Variants in VWC2 observed in about 807,000 individuals in gnomAD.
VWC2 encodes the protein von Willebrand factor C domain containing 2, also known as brorin.
VWC2 carries 14 observed loss-of-function variants against 29.8 expected under a neutral mutation model. That is an observed-to-expected ratio of 0.47 (90% CI 0.31 to 0.74). The LOEUF is 0.74. Among genes scored for constraint, VWC2 ranks in the 30% least tolerant of loss-of-function variants. The pLI, the probability that VWC2 is intolerant of heterozygous loss-of-function variation, is 0.05. For missense variants in VWC2, 457 were observed against 459.8 expected (o/e 0.99, Z 0.05); for synonymous variants, 213 against 199.0 (o/e 1.07, Z -0.59).
chr7:49,846,088 T>G (rs1402618840), intron 3 of VWC2, among the ~76,000 whole-genome samples: 1 of 152,236 alleles, frequency 6.6e-6, no homozygotes, highest in Non-Finnish European at 1.5e-5. Flanking sequence ...TTGCTTTTTT[T>G]GGATGATATC....
intron 3 of VWC2, among the ~76,000 whole-genome samples, chr7:49,857,009 C>CAAAAGAAAAAAAAA (rs1790450591): frequency 1.9e-5 from 1 of 52,764 alleles, no homozygotes; most frequent in Non-Finnish European, 3.1e-5. Flanking sequence ...GATACTGTCT[C>CAAAAGAAAAAAAAA]AAAAAAAAAA....
chr7:49,880,919 G>T (rs1791634832), intron 3 of VWC2, among the ~76,000 whole-genome samples: 1 of 152,170 alleles, frequency 6.6e-6, no homozygotes, highest in Non-Finnish European at 1.5e-5. Context: ...GGCACGTTCA[G>T]GGTGGCATGA....
intron 3 of VWC2, among the ~76,000 whole-genome samples, chr7:49,832,198 G>A (rs1453383704): frequency 1.3e-5 from 2 of 152,182 alleles, no homozygotes; most frequent in African/African-American, 2.4e-5. Flanking sequence ...AGAGGGGTGA[G>A]TCTTTGCTGT....
intron 3 of VWC2, among the ~76,000 whole-genome samples, chr7:49,830,055 CT>C (rs1314217236): frequency 5.3e-5 from 8 of 152,298 alleles, no homozygotes; most frequent in African/African-American, 1.9e-4. Context: ...TGTCTTCCAA[CT>C]ACTCTATATT....
chr7:49,857,009 CAAAAAAAAAAAAAAAAAAA>C (rs59910243), intron 3 of VWC2, among the ~76,000 whole-genome samples: 3 of 52,764 alleles, frequency 5.7e-5, no homozygotes, highest in Non-Finnish European at 9.4e-5. Flanking sequence ...GATACTGTCT[CAAAAAAAAAAAAAAAAAAA>C]AAAAAAAAAA....
chr7:49,819,016 C>T (rs1388308726), intron 3 of VWC2, among the ~76,000 whole-genome samples: 1 of 152,124 alleles, frequency 6.6e-6, no homozygotes, highest in Admixed American at 6.5e-5. Context: ...ACCCAAACTT[C>T]GCTTATCTCC....
intron 3 of VWC2, among the ~76,000 whole-genome samples, chr7:49,894,097 CT>C (rs915108885): frequency 6.6e-6 from 1 of 151,938 alleles, no homozygotes; most frequent in Admixed American, 6.6e-5. Flanking sequence ...CGTTTCTAGG[CT>C]TTTTCTGGAA....
intron 3 of VWC2, among the ~76,000 whole-genome samples, chr7:49,882,460 T>G (rs546141911): frequency 7.2e-4 from 109 of 151,984 alleles, no homozygotes; most frequent in Non-Finnish European, 1.3e-3. Context: ...ATTTTCACTG[T>G]AAAGAGAAAG....
At chr7:49,857,118 G>C (rs996635853) in intron 3 of VWC2, among the ~76,000 whole-genome samples, 2 of 147,456 alleles carry the variant, frequency 1.4e-5, no homozygotes, top group East Asian at 4.2e-4. Context: ...GCATGATATC[G>C]TGCAGCAGAT....
chr7:49,777,822 G>A (rs1357456513), intron 2 of VWC2, among the ~76,000 whole-genome samples: 1 of 152,164 alleles, frequency 6.6e-6, no homozygotes, highest in Non-Finnish European at 1.5e-5. Context: ...TGCTAGAAGA[G>A]CTCAGAGGAG....
At chr7:49,865,235 A>C (rs1790828698) in intron 3 of VWC2, among the ~76,000 whole-genome samples, 1 of 152,106 alleles carries the variant, frequency 6.6e-6, no homozygotes, top group Non-Finnish European at 1.5e-5. Flanking sequence ...AGAAAGGCAA[A>C]AGCTTCTTGA....
intron 3 of VWC2, among the ~76,000 whole-genome samples, chr7:49,860,883 C>T (rs1251202909): frequency 6.6e-6 from 1 of 152,164 alleles, no homozygotes; most frequent in Non-Finnish European, 1.5e-5. Context: ...CATCTGCGAG[C>T]CAAGGGGAGA....
chr7:49,902,887 AC>A (rs1388190667), intron 3 of VWC2, among the ~76,000 whole-genome samples: 4 of 152,186 alleles, frequency 2.6e-5, no homozygotes. Context: ...AAGGAACAGT[AC>A]GTGGAACATA....
rs1343561118 is a variant in VWC2 at position 49,775,779 on chromosome 7, G to A, written c.344G>A (p.Gly115Glu). 17 of 1,522,234 alleles carry A rather than the reference G, an allele frequency of 1.1e-5. No individual in the cohort carries two copies. Among genetic ancestry groups the A allele is most frequent in the Non-Finnish European group, 1.4e-5 (16 of 1,136,164 alleles). The allele number at this position is 1,522,234 out of a possible 1,614,324, so 94.3% of individuals were successfully genotyped here. Reference sequence around the variant, plus strand: ...GGGGATCTGCAGGTCCGGCCCCGCGGGGACACCCCGCAGGCGGAAGCCCTG... The same window carrying A: ...GGGGATCTGCAGGTCCGGCCCCGCGAGGACACCCCGCAGGCGGAAGCCCTG... ...KAGDLQVRPRGDTPQAEALAA... is the reference protein window; with the variant it reads ...KAGDLQVRPREDTPQAEALAA... The change falls in exon 2 of 4, where the codon GGG becomes GAG. Residue 115 changes from glycine (G) to glutamate (E), a missense_variant. This residue lies in a region of VWC2 where 272 missense variants were observed against 202.7 expected (regional missense o/e 1.34). Transcript: ENST00000340652.
At position 49,919,433 on chromosome 7, in the gene VWC2, A is replaced by G. The variant is rs1198416641; in HGVS notation, c.*7248A>G. ...AAGCAAAATTTTGCCATTTTCTGATACATAGTAGCTAGCTAGTGATAAAAT... is the reference window on the plus strand; with the variant it reads ...AAGCAAAATTTTGCCATTTTCTGATGCATAGTAGCTAGCTAGTGATAAAAT... On this transcript the variant is annotated 3_prime_UTR_variant, in exon 4 of 4. Transcript: ENST00000340652. 6.6e-6 allele frequency: 1 copy of G among 152,194 alleles called. No individual in the cohort carries two copies. Among genetic ancestry groups the G allele is most frequent in the Non-Finnish European group, 1.5e-5 (1 of 68,018 alleles). The allele number at this position is 152,194 out of a possible 1,614,324, so 9.4% of individuals were successfully genotyped here.
Position 49,877,481 on chromosome 7 carries a change from AATATATATATAT to A in VWC2, c.827-34527_827-34516del, listed in dbSNP as rs1220691094. On this transcript the variant is annotated intron_variant, in intron 3 of 3. Transcript: ENST00000340652. Reference sequence around the variant, plus strand: ...CTGTCTCAAAAAAAAAAAAAAAAAAAATATATATATATATATATATATATATATATATATATA... The same window carrying A: ...CTGTCTCAAAAAAAAAAAAAAAAAAAATATATATATATATATATATATATA... Among the ~76,000 whole-genome samples the A allele has an allele frequency of 6.9e-3, 88 of 12,730 alleles. 9 individuals carry two copies. The South Asian group carries it at 0.14, about 21-fold the overall frequency. 8.4% of individuals were successfully genotyped at this position (12,730 alleles called of 152,430 possible).
intron 3 of VWC2, among the ~76,000 whole-genome samples, chr7:49,896,522 G>GA (rs1792390643): frequency 2.0e-5 from 3 of 151,726 alleles, no homozygotes; most frequent in South Asian, 2.1e-4. Flanking sequence ...GCAATGGAAA[G>GA]AAAAAATAGT....
intron 3 of VWC2, among the ~76,000 whole-genome samples, chr7:49,898,656 A>G (rs1378007510): frequency 6.6e-6 from 1 of 152,104 alleles, no homozygotes; most frequent in Non-Finnish European, 1.5e-5. Flanking sequence ...CATAACCTAC[A>G]TAAGCTTATG....
chr7:49,836,638 CAATAAATAAATAAATAAATAAATAAATA>C (rs3062195), intron 3 of VWC2, among the ~76,000 whole-genome samples: 3 of 145,354 alleles, frequency 2.1e-5, no homozygotes, highest in African/African-American at 7.7e-5. Context: ...GACTCCATCT[CAATAAATAAATAAATAAATAAATAAATA>C]AATAAATAAA....
Sources: gnomAD v4.1 joint callset for allele counts (sites outside exome capture counted in the v4.1 genomes callset) on GRCh38, gnomAD v4.1.1 for gene constraint, gnomAD v4.1.1 regional missense constraint, MANE v1.5 for transcripts, NCBI Gene and HGNC (gene_info 2026-07-23, HGNC 2026-07-21) for gene names.